The following KAZN variants were observed in gnomAD, a reference collection of about 807,000 sequenced individuals.
KAZN encodes the protein kazrin.
KAZN carries 40 observed loss-of-function variants against 87.4 expected under a neutral mutation model. That is an observed-to-expected ratio of 0.46 (90% CI 0.36 to 0.60). The LOEUF (loss-of-function observed/expected upper bound fraction) is 0.60. Ranked by LOEUF, KAZN falls within the 20% of genes least tolerant of loss-of-function variation. The pLI is 0.00. For synonymous variants in KAZN, 466 were observed against 458.3 expected (o/e 1.02, Z -0.22); for missense variants, 898 against 1,073.9 (o/e 0.84, Z 2.29).
chr1:14,383,499 G>A (rs1661565225), intron 2 of KAZN, among the ~76,000 whole-genome samples: 1 of 151,718 alleles, frequency 6.6e-6, no homozygotes, highest in Non-Finnish European at 1.5e-5. Flanking sequence ...TGTATAAGGT[G>A]TAAGGAAGGG....
At chr1:14,035,721 C>A (rs754020953) in intron 1 of KAZN, among the ~76,000 whole-genome samples, 4 of 151,712 alleles carry the variant, frequency 2.6e-5, no homozygotes, top group African/African-American at 7.3e-5. Context: ...GTGATCTGCC[C>A]GCCTCGGCCT....
chr1:14,409,719 AG>A (rs1664151059), intron 2 of KAZN, among the ~76,000 whole-genome samples: 2 of 152,214 alleles, frequency 1.3e-5, no homozygotes, highest in South Asian at 4.1e-4. Flanking sequence ...CAAATGTACA[AG>A]GAAAAACTTC....
At chr1:14,943,438 A>G (rs924491486) in intron 1 of KAZN, among the ~76,000 whole-genome samples, 3 of 152,236 alleles carry the variant, frequency 2.0e-5, no homozygotes, top group Admixed American at 2.0e-4. Flanking sequence ...CAGAGATTCC[A>G]GAAGTCTCTG....
At chr1:14,040,914 C>A (rs1433235643) in intron 1 of KAZN, among the ~76,000 whole-genome samples, 1 of 152,046 alleles carries the variant, frequency 6.6e-6, no homozygotes, top group Non-Finnish European at 1.5e-5. Context: ...CATTAAATTA[C>A]ATTTTTAAAG....
intron 8 of KAZN, among the ~76,000 whole-genome samples, chr1:15,091,064 G>A (rs933591571): frequency 1.3e-5 from 2 of 152,100 alleles, no homozygotes; most frequent in African/African-American, 4.8e-5. Context: ...TATAGTCAAT[G>A]CAGAAAACTT....
intron 1 of KAZN, among the ~76,000 whole-genome samples, chr1:14,082,472 C>G (rs566472015): frequency 6.6e-6 from 1 of 152,242 alleles, no homozygotes; most frequent in South Asian, 2.1e-4. Flanking sequence ...TCTGAGCCTG[C>G]CTTCTTAAAT....
chr1:14,662,303 G>A (rs1483312231), intron 1 of KAZN, among the ~76,000 whole-genome samples: 3 of 152,190 alleles, frequency 2.0e-5, no homozygotes, highest in Admixed American at 1.3e-4. Context: ...GGGACCATCC[G>A]CAGTGTCGGG....
intron 2 of KAZN, among the ~76,000 whole-genome samples, chr1:14,480,246 A>G (rs967647586): frequency 6.6e-6 from 1 of 152,218 alleles, no homozygotes; most frequent in African/African-American, 2.4e-5. Context: ...TAATCTGCAA[A>G]GGGGACCTTC....
At chr1:14,304,757 T>C (rs1310158971) in intron 2 of KAZN, 1 of 397,316 alleles carries the variant, frequency 2.5e-6, no homozygotes, top group African/African-American at 2.1e-5. Flanking sequence ...CACACCACAG[T>C]CTTAAGGCAT....
At chr1:14,163,541 T>C (rs1207874600) in intron 1 of KAZN, among the ~76,000 whole-genome samples, 6 of 152,192 alleles carry the variant, frequency 3.9e-5, no homozygotes, top group Non-Finnish European at 8.8e-5. Context: ...TGCTTCTTAG[T>C]GCGCATGCTT....
At chr1:14,188,200 T>A (rs1646350444) in intron 2 of KAZN, among the ~76,000 whole-genome samples, 1 of 90,866 alleles carries the variant, frequency 1.1e-5, no homozygotes, top group Non-Finnish European at 2.9e-5. Context: ...GGAGCGTGTG[T>A]GTGTGTGTGT....
intron 2 of KAZN, among the ~76,000 whole-genome samples, chr1:14,542,387 A>G (rs967417434): frequency 6.6e-6 from 1 of 151,998 alleles, no homozygotes; most frequent in African/African-American, 2.4e-5. Flanking sequence ...TGGCACATGT[A>G]TACATATGTA....
chr1:14,864,756 G>A (rs12734818), intron 1 of KAZN, among the ~76,000 whole-genome samples: 7,397 of 152,104 alleles, frequency 0.049, 209 homozygotes, highest in South Asian at 0.14. Context: ...TTCAGAGGAC[G>A]GGCTCTGGAT....
At chr1:14,286,326 T>C (rs1033518979) in intron 2 of KAZN, among the ~76,000 whole-genome samples, 3 of 152,254 alleles carry the variant, frequency 2.0e-5, no homozygotes, top group Non-Finnish European at 2.9e-5. Flanking sequence ...CCCACCCTAG[T>C]GACCTCATGT....
intron 2 of KAZN, among the ~76,000 whole-genome samples, chr1:14,218,934 A>C (rs1002813822): frequency 2.6e-5 from 4 of 152,134 alleles, no homozygotes; most frequent in Admixed American, 6.5e-5. Context: ...TAAAGACACA[A>C]CCGTACATCA....
At chr1:14,297,866 A>G (rs1032249798) in intron 2 of KAZN, among the ~76,000 whole-genome samples, 3 of 152,220 alleles carry the variant, frequency 2.0e-5, no homozygotes, top group African/African-American at 7.2e-5. Flanking sequence ...TGGGACATCA[A>G]GAGTAGGAGT....
intron 1 of KAZN, among the ~76,000 whole-genome samples, chr1:14,146,713 A>G (rs867672536): frequency 8.6e-5 from 13 of 151,840 alleles, no homozygotes; most frequent in African/African-American, 2.9e-4. Context: ...CAGAAAAAAA[A>G]AAAAAAAAAG....
chr1:14,144,935 C>A (rs889613249), intron 1 of KAZN, among the ~76,000 whole-genome samples: 2 of 152,172 alleles, frequency 1.3e-5, no homozygotes, highest in African/African-American at 4.8e-5. Context: ...CCATCAGGCC[C>A]CACCTCCAAC....
chr1:14,915,174 C>T lies in KAZN; in HGVS notation c.227-45510C>T, dbSNP rs144509870. 1.6e-3 allele frequency among the ~76,000 whole-genome samples: 240 copies of T among 151,988 alleles called. 2 individuals carry two copies. The highest frequency in any genetic ancestry group is 4.7e-3 in the African/African-American group (194 of 41,474). On this transcript the variant is annotated intron_variant, in intron 1 of 14. Coordinates refer to ENST00000376030, the MANE Select transcript of KAZN (RefSeq NM_201628.3). ...TGCACTCCAGCCTGGGCAACAAGAG[C>T]GAAACTCCGCCTCAAAAGAAAGAAA...
Sources: allele counts gnomAD v4.1 joint callset (sites outside exome capture counted in the v4.1 genomes callset), GRCh38; gene constraint gnomAD v4.1.1; transcripts MANE v1.5; gene names NCBI Gene and HGNC (gene_info 2026-07-23, HGNC 2026-07-21).